Variants in GPR176 observed in about 807,000 individuals in gnomAD.
The protein encoded by GPR176 is G-protein coupled receptor 176.
GPR176 carries 26 observed loss-of-function variants against 35.4 expected under a neutral mutation model. That is an observed-to-expected ratio of 0.74 (90% CI 0.54 to 1.02). The LOEUF (loss-of-function observed/expected upper bound fraction) is 1.02. GPR176 is among the 50% of genes least tolerant of loss of function. GPR176 has a pLI of 0.00. For synonymous variants in GPR176, 278 were observed against 271.3 expected (o/e 1.02, Z -0.24); for missense variants, 597 against 665.3 (o/e 0.90, Z 1.13).
At chr15:39,874,920 G>A (rs2032186455) in intron 1 of GPR176, among the ~76,000 whole-genome samples, 2 of 152,200 alleles carry the variant, frequency 1.3e-5, no homozygotes, top group Non-Finnish European at 2.9e-5. Flanking sequence ...GCGCACGCCT[G>A]TAATCCCAGC....
At chr15:39,919,618 C>T (rs2033820354) in intron 1 of GPR176, among the ~76,000 whole-genome samples, 1 of 152,214 alleles carries the variant, frequency 6.6e-6, no homozygotes, top group Non-Finnish European at 1.5e-5. Flanking sequence ...CTGGATCCCG[C>T]TCCATCCTCG....
At chr15:39,807,745 T>A in intron 1 of GPR176, 4 of 530,732 alleles carry the variant, frequency 7.5e-6, no homozygotes, top group Non-Finnish European at 1.3e-5. Flanking sequence ...ACCCAACAGA[T>A]CCCAAATATT....
chr15:39,833,507 T>TG (rs1475040514), intron 1 of GPR176, among the ~76,000 whole-genome samples: 1 of 151,994 alleles, frequency 6.6e-6, no homozygotes, highest in Non-Finnish European at 1.5e-5. Context: ...GAAGGGAACT[T>TG]GGGGGGACAT....
intron 1 of GPR176, among the ~76,000 whole-genome samples, chr15:39,897,635 C>T (rs1161296054): frequency 2.7e-5 from 3 of 111,480 alleles, no homozygotes; most frequent in African/African-American, 1.0e-4. Context: ...GAGACGGAGT[C>T]TCGCTCTGTC....
chr15:39,900,980 G>C (rs954771699), intron 1 of GPR176, among the ~76,000 whole-genome samples: 2 of 152,224 alleles, frequency 1.3e-5, no homozygotes, highest in African/African-American at 4.8e-5. Context: ...CAGAGAACAA[G>C]TGCCTGAAGA....
At chr15:39,888,169 G>C (rs1309144646) in intron 1 of GPR176, among the ~76,000 whole-genome samples, 1 of 152,124 alleles carries the variant, frequency 6.6e-6, no homozygotes, top group Non-Finnish European at 1.5e-5. Context: ...CCACCTCTTT[G>C]AGATCTATTC....
At chr15:39,831,446 T>G (rs932764752) in intron 1 of GPR176, among the ~76,000 whole-genome samples, 1 of 152,140 alleles carries the variant, frequency 6.6e-6, no homozygotes, top group African/African-American at 2.4e-5. Flanking sequence ...CATGGATGCC[T>G]CACAGACACC....
chr15:39,894,853 T>C (rs1184460044), intron 1 of GPR176, among the ~76,000 whole-genome samples: 2 of 152,222 alleles, frequency 1.3e-5, no homozygotes, highest in African/African-American at 2.4e-5. Flanking sequence ...TTCTGCAATC[T>C]CGGCACTTTG....
chr15:39,840,785 A>T (rs531949943), intron 1 of GPR176, among the ~76,000 whole-genome samples: 24 of 152,294 alleles, frequency 1.6e-4, no homozygotes, highest in African/African-American at 5.5e-4. Context: ...ACAGAAAAAA[A>T]TTTAAAAAAA....
At chr15:39,844,091 C>G (rs2030231125) in intron 1 of GPR176, among the ~76,000 whole-genome samples, 1 of 152,110 alleles carries the variant, frequency 6.6e-6, no homozygotes, top group Non-Finnish European at 1.5e-5. Flanking sequence ...TAAAACTCTT[C>G]AAAGTCCCAA....
intron 1 of GPR176, among the ~76,000 whole-genome samples, chr15:39,859,750 C>T (rs1027913864): frequency 6.6e-6 from 1 of 151,912 alleles, no homozygotes; most frequent in Non-Finnish European, 1.5e-5. Flanking sequence ...ATATGAGGTA[C>T]CTAAAGTAGT....
chr15:39,816,786 G>A (rs561439187), intron 1 of GPR176, among the ~76,000 whole-genome samples: 1 of 152,270 alleles, frequency 6.6e-6, no homozygotes, highest in African/African-American at 2.4e-5. Flanking sequence ...CAGGTGTGGT[G>A]GCTCACACCT....
intron 1 of GPR176, among the ~76,000 whole-genome samples, chr15:39,840,207 C>T (rs1901655212): frequency 6.6e-6 from 1 of 152,138 alleles, no homozygotes; most frequent in Non-Finnish European, 1.5e-5. Context: ...GCACTATTCA[C>T]AATGCCAAAG....
rs1256736700 is a variant in GPR176, at chr15:39,920,214, C to G, written c.-188G>C. On this transcript the variant is annotated 5_prime_UTR_variant, in exon 1 of 3. Coordinates refer to ENST00000561100, the MANE Select transcript of GPR176 (RefSeq NM_007223.3). Reference sequence around the variant, plus strand: ...CCCGGGAGGCGGGGAGGGAGGGAGGCGCGGCTGCGCCCCATGCCCACTCCC... The same window carrying G: ...CCCGGGAGGCGGGGAGGGAGGGAGGGGCGGCTGCGCCCCATGCCCACTCCC... 4 of 406,040 alleles carry G rather than the reference C, an allele frequency of 9.9e-6. No individual in the cohort carries two copies. The highest frequency in any genetic ancestry group is 1.3e-5 in the Non-Finnish European group (3 of 230,990). The allele number at this position is 406,040 out of a possible 1,614,324, so 25.2% of individuals were successfully genotyped here.
At chr15:39,887,455 C>T (rs1007702173) in intron 1 of GPR176, among the ~76,000 whole-genome samples, 14 of 152,156 alleles carry the variant, frequency 9.2e-5, no homozygotes, top group Non-Finnish European at 1.9e-4. Flanking sequence ...TGTAAAACAG[C>T]AGCATCATTC....
At chr15:39,805,028 A>G (rs554306023) in intron 2 of GPR176, among the ~76,000 whole-genome samples, 3 of 152,176 alleles carry the variant, frequency 2.0e-5, no homozygotes, top group East Asian at 3.9e-4. Flanking sequence ...ATGGCTGTAC[A>G]ATTCTATAAA....
chr15:39,823,991 T>C (rs1900451686), intron 1 of GPR176, among the ~76,000 whole-genome samples: 2 of 152,166 alleles, frequency 1.3e-5, no homozygotes. Flanking sequence ...TTGTTAGAAG[T>C]GGGGCCTAGT....
intron 1 of GPR176, among the ~76,000 whole-genome samples, chr15:39,888,825 C>G (rs1008704512): frequency 1.3e-5 from 2 of 152,188 alleles, no homozygotes; most frequent in African/African-American, 2.4e-5. Flanking sequence ...CCATAAGCTT[C>G]TAGCTGTGAT....
chr15:39,825,599 A>G (rs1900584628), intron 1 of GPR176, among the ~76,000 whole-genome samples: 1 of 152,210 alleles, frequency 6.6e-6, no homozygotes, highest in African/African-American at 2.4e-5. Flanking sequence ...TTGTCCTACA[A>G]ATGGGCACTC....
Sources: gnomAD v4.1 joint callset for allele counts (sites outside exome capture counted in the v4.1 genomes callset) on GRCh38, gnomAD v4.1.1 for gene constraint, MANE v1.5 for transcripts, NCBI Gene and HGNC (gene_info 2026-07-23, HGNC 2026-07-21) for gene names.